The following EP400 variants were observed in gnomAD, a reference collection of about 807,000 sequenced individuals.
EP400 encodes the protein E1A binding protein p400, also known as E1A-binding protein p400.
In EP400, 105 loss-of-function variants were observed where a neutral mutation model predicts 354.1. The observed-to-expected ratio is 0.30, with a 90% confidence interval of 0.25 to 0.35. The LOEUF (loss-of-function observed/expected upper bound fraction) is 0.35. Ranked by LOEUF, EP400 falls within the 10% of genes least tolerant of loss-of-function variation. The pLI is 1.00. For synonymous variants in EP400, 1,646 were observed against 1,716.9 expected (o/e 0.96, Z 1.02); for missense variants, 3,280 against 4,121.0 (o/e 0.80, Z 5.59).
chr12:131,986,595 G>A lies in EP400; in HGVS notation c.2011G>A (p.Ala671Thr), dbSNP rs146452426. ...PLPTSSTSSLAPVSGSGPGPS... is the reference protein window; with the variant it reads ...PLPTSSTSSLTPVSGSGPGPS... ...GCCCACCTCTTCTACCTCGTCCCTCGCGCCTGTGAGTGGCTCCGGCCCAGG... is the reference window on the plus strand; with the variant it reads ...GCCCACCTCTTCTACCTCGTCCCTCACGCCTGTGAGTGGCTCCGGCCCAGG... Residue 671 changes from alanine (A) to threonine (T), a missense_variant, in exon 6 of 53, where the codon GCG (alanine) becomes ACG (threonine). Coordinates refer to ENST00000389561, the MANE Select transcript of EP400 (RefSeq NM_015409.5). 7.4e-6 allele frequency: 12 copies of A among 1,613,606 alleles called. No individual in the cohort carries two copies. Among genetic ancestry groups the A allele is most frequent in the East Asian group, 6.7e-5 (3 of 44,870 alleles).
At position 132,025,186 on chromosome 12, in the gene EP400, TA is replaced by T. The variant is rs1241261487; in HGVS notation, c.4856-456del. On this transcript the variant is annotated intron_variant, in intron 24 of 52. Coordinates refer to ENST00000389561, the MANE Select transcript of EP400 (RefSeq NM_015409.5). The surrounding 1 kb of genome is among the most constrained non-coding windows in gnomAD (Gnocchi z 4.1). Reference sequence around the variant, plus strand: ...ACCTGGGAAACTATCTTCTCCAGAGTAAAAGAAGTCAGAAAGATGTAGTCAC... The same window carrying T: ...ACCTGGGAAACTATCTTCTCCAGAGTAAAGAAGTCAGAAAGATGTAGTCAC... 6.6e-6 allele frequency among the ~76,000 whole-genome samples: 1 copy of T among 151,906 alleles called. No individual in the cohort carries two copies. The highest frequency in any genetic ancestry group is 2.4e-5 in the African/African-American group (1 of 41,324).
Position 132,013,797 on chromosome 12 carries a change from G to A in EP400, c.3807G>A (p.Leu1269=). The A allele has an allele frequency of 6.2e-7, 1 of 1,613,886 alleles. No homozygotes were observed. ...TTCAGGTGACACAGCCATTTATTTTGAGGAGAACTAAGAGAGATGTGGAAA... is the reference window on the plus strand; with the variant it reads ...TTCAGGTGACACAGCCATTTATTTTAAGGAGAACTAAGAGAGATGTGGAAA... The part of the protein sequence containing the change: ...RLHRVTQPFI[L]RRTKRDVEKQ... The change falls in exon 19 of 53, where the codon TTG becomes TTA. Residue 1269 remains leucine, a synonymous_variant. Coordinates refer to ENST00000389561, the MANE Select transcript of EP400 (RefSeq NM_015409.5). This position sits in a 1 kb window ranked among gnomAD's most constrained non-coding sequence, Gnocchi z 4.5.
In EP400 at chr12:132,017,735, C is replaced by T; in HGVS notation, c.4110+14C>T. ...GATTTCTGGAAGGTAAGTGGAGGAT[C>T]CAGAAAGCGGAATTACTGTTGGATA... On this transcript the variant is annotated intron_variant, in intron 20 of 52. Transcript: ENST00000389561. This position sits in a 1 kb window ranked among gnomAD's most constrained non-coding sequence, Gnocchi z 5.0. 1 of 1,509,860 alleles carries T rather than the reference C, an allele frequency of 6.6e-7. No individual in the cohort carries two copies. Among genetic ancestry groups the T allele is most frequent in the Non-Finnish European group, 8.8e-7 (1 of 1,130,054 alleles). 93.5% of individuals were successfully genotyped at this position (1,509,860 alleles called of 1,614,324 possible). A position where few individuals can be genotyped will look rare whatever the true frequency, so the allele number is the denominator to read the frequency against.
At chr12:131,985,009 G>A (rs1037128058) in intron 5 of EP400, among the ~76,000 whole-genome samples, 4 of 151,770 alleles carry the variant, frequency 2.6e-5, no homozygotes, top group African/African-American at 9.7e-5. Context: ...GCATGCTTAG[G>A]CAACTGTTTT....
At chr12:131,956,098 T>C (rs1891690037) in intron 1 of EP400, among the ~76,000 whole-genome samples, 1 of 152,208 alleles carries the variant, frequency 6.6e-6, no homozygotes, top group African/African-American at 2.4e-5. Flanking sequence ...TTCTAGTCTC[T>C]GTCCCCACCA....
chr12:132,077,830 C>A lies in EP400; in HGVS notation c.*157C>A. The A allele has an allele frequency of 1.0e-6, 1 of 991,484 alleles. No individual in the cohort carries two copies. Among genetic ancestry groups the A allele is most frequent in the Non-Finnish European group, 1.4e-6 (1 of 695,880 alleles). The allele number at this position is 991,484 out of a possible 1,614,324, so 61.4% of individuals were successfully genotyped here. A position where few individuals can be genotyped will look rare whatever the true frequency, so the allele number is the denominator to read the frequency against. ...TGTAATCATTTTATTAAAATGCATC[C>A]CACACTGCAGGACAAATGGTCCTTA... On this transcript the variant is annotated 3_prime_UTR_variant, in exon 53 of 53. Coordinates refer to ENST00000389561, the MANE Select transcript of EP400 (RefSeq NM_015409.5).
At chr12:132,069,152 T>C (rs929026368) in intron 50 of EP400, 5 of 271,368 alleles carry the variant, frequency 1.8e-5, no homozygotes, top group Non-Finnish European at 2.8e-5. Context: ...TGTGATCGCT[T>C]TCAGTCACCT....
Position 131,981,637 on chromosome 12 carries a change from G to C in EP400, c.1543+41G>C, listed in dbSNP as rs772401572. Reference sequence around the variant, plus strand: ...AGAGCCAGCTCCCCGCTCAGGAGCAGGCAGCACACTGCGGTTCCAGAAACC... The same window carrying C: ...AGAGCCAGCTCCCCGCTCAGGAGCACGCAGCACACTGCGGTTCCAGAAACC... On this transcript the variant is annotated intron_variant, in intron 4 of 52. Transcript: ENST00000389561. 2.2e-5 allele frequency: 33 copies of C among 1,534,042 alleles called. 1 individual carries two copies. In the Middle Eastern group the frequency reaches 1.0e-3, roughly 46 times the overall value.
intron 30 of EP400, among the ~76,000 whole-genome samples, chr12:132,034,283 G>A (rs1894618549): frequency 6.6e-6 from 1 of 152,200 alleles, no homozygotes; most frequent in Non-Finnish European, 1.5e-5. Flanking sequence ...CAGGAACAGG[G>A]CATCTGAAGT....
At chr12:131,979,072 C>G (rs1593321713) in intron 2 of EP400, among the ~76,000 whole-genome samples, 1 of 152,042 alleles carries the variant, frequency 6.6e-6, no homozygotes, top group East Asian at 1.9e-4. Flanking sequence ...AAAAAACTAG[C>G]CAGGCGTGGT....
At chr12:132,044,027 A>G in intron 34 of EP400, 150 bp from the exon 35 acceptor site, 1 of 1,153,080 alleles carries the variant, frequency 8.7e-7, no homozygotes, top group Non-Finnish European at 1.2e-6. Context: ...GATTTGCAGC[A>G]GGCTGCTGCT....
chr12:132,045,644 CT>C, intron 38 of EP400, 82 bp from the exon 39 acceptor site: 1 of 1,603,186 alleles, frequency 6.2e-7, no homozygotes. Context: ...ACTGTGATCA[CT>C]TTGCAGGGAG....
chr12:132,053,727 C>A, intron 43 of EP400, 130 bp downstream of exon 43: 1 of 1,074,748 alleles, frequency 9.3e-7, no homozygotes, highest in Non-Finnish European at 1.3e-6. Flanking sequence ...GTAGACCTTC[C>A]TCTGAAGAAA....
chr12:132,005,238 T>C, intron 13 of EP400, 54 bp downstream of exon 13: 1 of 1,273,506 alleles, frequency 7.9e-7, no homozygotes, highest in Middle Eastern at 2.0e-4. Flanking sequence ...GCCGGAGTAC[T>C]TACAAAGACT....
chr12:132,022,499 G>A (rs1042086885), intron 23 of EP400, among the ~76,000 whole-genome samples: 3 of 152,166 alleles, frequency 2.0e-5, no homozygotes, highest in East Asian at 1.9e-4. Context: ...TGGATTTCTC[G>A]GGAAGAACAT....
chr12:131,985,426 C>T (rs764164855), intron 5 of EP400, among the ~76,000 whole-genome samples: 9 of 152,218 alleles, frequency 5.9e-5, no homozygotes, highest in South Asian at 2.1e-4. Flanking sequence ...AGACCCACGT[C>T]GTGGGACGGG....
Position 131,956,870 on chromosome 12 carries a change from G to A in EP400, c.-35-3715G>A, listed in dbSNP as rs957431913. Among the ~76,000 whole-genome samples the A allele has an allele frequency of 5.5e-4, 60 of 109,488 alleles. 1 individual carries two copies. Among genetic ancestry groups the A allele is most frequent in the Non-Finnish European group, 1.1e-3 (56 of 53,120 alleles). 71.8% of individuals were successfully genotyped at this position (109,488 alleles called of 152,430 possible). ...CTCCTTTTGTGAACTGTCTTTTTTT[G>A]TCCTTTTTTTTTTTTTTTTTTTTAG... is the stretch of plus-strand genomic sequence containing the variant. On this transcript the variant is annotated intron_variant, in intron 1 of 52. Coordinates refer to ENST00000389561, the MANE Select transcript of EP400 (RefSeq NM_015409.5).
intron 47 of EP400, among the ~76,000 whole-genome samples, chr12:132,063,936 A>C (rs1007258668): frequency 1.4e-4 from 21 of 152,098 alleles, no homozygotes; most frequent in Non-Finnish European, 4.4e-5. Context: ...AGCAGAGGCA[A>C]CTGTCAGGGA....
intron 3 of EP400, among the ~76,000 whole-genome samples, chr12:131,980,214 C>T (rs1002895111): frequency 6.6e-6 from 1 of 152,212 alleles, no homozygotes; most frequent in Non-Finnish European, 1.5e-5. Flanking sequence ...CACTCCCCAG[C>T]CACAGCAGTA....
Sources: allele counts gnomAD v4.1 joint callset (sites outside exome capture counted in the v4.1 genomes callset), GRCh38; gene constraint gnomAD v4.1.1; non-coding constraint Gnocchi (gnomAD v3.1); transcripts MANE v1.5; gene names NCBI Gene and HGNC (gene_info 2026-07-23, HGNC 2026-07-21).